The following BANP variants were observed in gnomAD, a reference collection of about 807,000 sequenced individuals.
BANP encodes the protein BTG3 associated nuclear protein, also known as protein BANP.
Under a neutral mutation model 68.1 loss-of-function variants are expected in BANP, and 11 were observed. The ratio of observed to expected loss-of-function variants is 0.16; its 90% CI spans 0.10 to 0.27. BANP has a LOEUF of 0.27. Ranked by LOEUF, BANP falls within the 10% of genes least tolerant of loss-of-function variation. BANP has a pLI of 1.00. For missense variants in BANP, 504 were observed against 722.7 expected (o/e 0.70, Z 3.47); for synonymous variants, 329 against 303.2 (o/e 1.09, Z -0.88).
At chr16:88,072,351 G>A (rs1394079911) in intron 13 of BANP, 139 bp downstream of exon 13, 11 of 1,040,586 alleles carry the variant, frequency 1.1e-5, no homozygotes, top group Admixed American at 2.9e-5. Flanking sequence ...ATGCCCATCT[G>A]AGGGTTCTAC....
rs2090330666 is a variant in BANP at position 88,071,525 on chromosome 16, C to T, written c.1378-544C>T. On this transcript the variant is annotated intron_variant, in intron 12 of 13. Coordinates refer to ENST00000682872, the MANE Select transcript of BANP (RefSeq NM_001386991.1). This position sits in a 1 kb window ranked among gnomAD's most constrained non-coding sequence, Gnocchi z 6.5. ...GGACTCACTTCCGCCCATCTTGGAA[C>T]TGGGCCTCACTTTCCTGCGAGCTTC... 6.6e-6 allele frequency: 3 copies of T among 456,540 alleles called. No homozygotes were observed. Among genetic ancestry groups the T allele is most frequent in the South Asian group, 4.6e-5 (3 of 64,568 alleles). 28.3% of individuals were successfully genotyped at this position (456,540 alleles called of 1,614,324 possible).
intron 11 of BANP, among the ~76,000 whole-genome samples, chr16:88,049,618 G>A (rs530753954): frequency 6.6e-4 from 101 of 152,298 alleles, no homozygotes; most frequent in African/African-American, 2.4e-3. Context: ...CACACACCTG[G>A]CATCATAACA....
At chr16:87,990,187 C>T (rs376160419) in intron 4 of BANP, among the ~76,000 whole-genome samples, 2 of 151,774 alleles carry the variant, frequency 1.3e-5, no homozygotes, top group East Asian at 3.9e-4. Context: ...TTAAAATCTG[C>T]TTTTTAAAGT....
At chr16:87,978,461 C>A in intron 2 of BANP, 1 of 341,144 alleles carries the variant, frequency 2.9e-6, no homozygotes, top group Non-Finnish European at 6.1e-6. Flanking sequence ...TGACCGGTTT[C>A]CAGTGAGAGT....
chr16:87,981,221 T>A, intron 3 of BANP, 94 bp downstream of exon 3: 4 of 934,684 alleles, frequency 4.3e-6, no homozygotes, highest in Non-Finnish European at 6.9e-6. Context: ...CTTCAAAATG[T>A]AGCCTCTCAG....
At chr16:87,981,150 T>C in intron 3 of BANP, 23 bp downstream of exon 3, 1 of 1,539,078 alleles carries the variant, frequency 6.5e-7, no homozygotes, top group Non-Finnish European at 9.0e-7. Context: ...CTCTGTTCTG[T>C]GGTGTGTAGT....
chr16:88,070,869 A>C (rs2090127827), intron 12 of BANP, among the ~76,000 whole-genome samples: 1 of 152,254 alleles, frequency 6.6e-6, no homozygotes. Context: ...CTCAATGTAG[A>C]GTGAATTATA....
rs569197291 is a variant in BANP, at chr16:88,018,975, A to AGAG, written c.895+318_895+320dup. Among the ~76,000 whole-genome samples the AGAG allele has an allele frequency of 9.9e-5, 15 of 152,242 alleles. No homozygotes were observed. In the East Asian group the frequency reaches 1.7e-3, roughly 18 times the overall value. ...TCTGTAGGCCACTCTTGAGGAAGAGAGAGGAGGAGGAGAGCCGGGGCCTTC... is the reference window on the plus strand; with the variant it reads ...TCTGTAGGCCACTCTTGAGGAAGAGAGAGGAGGAGGAGGAGAGCCGGGGCCTTC... On this transcript the variant is annotated intron_variant, in intron 7 of 13. Coordinates refer to ENST00000682872, the MANE Select transcript of BANP (RefSeq NM_001386991.1). The surrounding 1 kb of genome is among the most constrained non-coding windows in gnomAD (Gnocchi z 7.7).
In BANP at chr16:88,006,133, C is replaced by T; in HGVS notation, c.523C>T (p.Pro175Ser). ...GCAGAACACCATTGTGGTGAAGGTG[C>T]CGGGCCAAGAAGACAGCCACCACGA... ...RRQNTIVVKV[P>S]GQEDSHHEDG... Residue 175 changes from proline (P) to serine (S), a missense_variant, in exon 6 of 14, where the codon CCG becomes TCG. Physicochemically the swap from Pro to Ser is moderately conservative, Grantham distance 74 (BLOSUM62 -1). Around this residue, in one of 3 missense-constraint regions of BANP, gnomAD observed 238 missense variants for 278.9 expected, o/e 0.85. Transcript: ENST00000682872. 1 of 1,613,972 alleles carries T rather than the reference C, an allele frequency of 6.2e-7. No individual in the cohort carries two copies. Among genetic ancestry groups the T allele is most frequent in the South Asian group, 1.1e-5 (1 of 91,078 alleles).
rs559510413 is a variant in BANP at position 88,027,180 on chromosome 16, C to T, written c.896-303C>T. 5.7e-4 allele frequency among the ~76,000 whole-genome samples: 87 copies of T among 152,172 alleles called. 1 individual carries two copies. Among genetic ancestry groups the T allele is most frequent in the Non-Finnish European group, 1.0e-3 (71 of 68,026 alleles). On this transcript the variant is annotated intron_variant, in intron 7 of 13. Coordinates refer to ENST00000682872, the MANE Select transcript of BANP (RefSeq NM_001386991.1). ...GGAAGGTCTGGGAATCTTGTGAGAG[C>T]CCCAAGTGTGCACCTGGTGTGGGCC...
chr16:87,989,739 G>A lies in BANP; in HGVS notation c.362+5480G>A, dbSNP rs375383206. 2.2e-5 allele frequency among the ~76,000 whole-genome samples: 3 copies of A among 138,072 alleles called. 1 individual carries two copies. The highest frequency in any genetic ancestry group is 5.0e-4 in the East Asian group (2 of 4,036). The allele number at this position is 138,072 out of a possible 152,430, so 90.6% of individuals were successfully genotyped here. On this transcript the variant is annotated intron_variant, in intron 4 of 13. Coordinates refer to ENST00000682872, the MANE Select transcript of BANP (RefSeq NM_001386991.1). ...GGGGGATGCAGGCCCGCGTGGCTGC[G>A]CGCATCCAGGACACAGGACACAGGG...
At chr16:87,981,534 C>G (rs1184020743) in intron 3 of BANP, among the ~76,000 whole-genome samples, 1 of 152,240 alleles carries the variant, frequency 6.6e-6, no homozygotes, top group Non-Finnish European at 1.5e-5. Flanking sequence ...TAAATTACAT[C>G]TGCACAGTTT....
rs560394981 is a variant in BANP, at chr16:88,004,568, C to G, written c.479+157C>G. On this transcript the variant is annotated intron_variant, in intron 5 of 13. Coordinates refer to ENST00000682872, the MANE Select transcript of BANP (RefSeq NM_001386991.1). The surrounding 1 kb of genome is among the most constrained non-coding windows in gnomAD (Gnocchi z 7.0). ...AGGCACCGCCCCAGCTCTCTGAGGT[C>G]GGGGAGGGCAGGCTGGGCGATGCTG... Among the ~76,000 whole-genome samples, 1 of 152,270 alleles carries G rather than the reference C, an allele frequency of 6.6e-6. No individual in the cohort carries two copies. Among genetic ancestry groups the G allele is most frequent in the South Asian group, 2.1e-4 (1 of 4,814 alleles).
At chr16:88,028,848 A>G (rs1469896936) in intron 8 of BANP, among the ~76,000 whole-genome samples, 2 of 152,232 alleles carry the variant, frequency 1.3e-5, no homozygotes, top group African/African-American at 2.4e-5. Context: ...TATTGCAAAT[A>G]TATAGGTATA....
intron 11 of BANP, among the ~76,000 whole-genome samples, chr16:88,049,221 T>C (rs960392346): frequency 1.3e-5 from 2 of 152,160 alleles, no homozygotes; most frequent in African/African-American, 4.8e-5. Context: ...CGGCTTCAGG[T>C]TGGGCTTCCC....
Position 88,002,816 on chromosome 16 carries a change from T to C in BANP, c.363-1479T>C, listed in dbSNP as rs1168832200. 6.6e-6 allele frequency among the ~76,000 whole-genome samples: 1 copy of C among 152,234 alleles called. No individual in the cohort carries two copies. On this transcript the variant is annotated intron_variant, in intron 4 of 13. Transcript: ENST00000682872. The surrounding 1 kb of genome is among the most constrained non-coding windows in gnomAD (Gnocchi z 4.6). ...TCTTCTCAGACTGTCAGTGTGCCAGTGGCCACTGTGAATAGTCATTAGGGG... is the reference window on the plus strand; with the variant it reads ...TCTTCTCAGACTGTCAGTGTGCCAGCGGCCACTGTGAATAGTCATTAGGGG...
intron 13 of BANP, among the ~76,000 whole-genome samples, chr16:88,076,217 C>G (rs1335559186): frequency 6.6e-6 from 1 of 152,242 alleles, no homozygotes; most frequent in Admixed American, 6.5e-5. Context: ...GTACCTGAAG[C>G]TTCAGGGAAA....
chr16:88,070,681 G>C lies in BANP; in HGVS notation c.1378-1388G>C, dbSNP rs569898966. On this transcript the variant is annotated intron_variant, in intron 12 of 13. Transcript: ENST00000682872. ...CTTGGGTCATGACAGGCCAGCACGTGGGGGGCCTGCAGGCCTGTAGATGCT... is the reference window on the plus strand; with the variant it reads ...CTTGGGTCATGACAGGCCAGCACGTCGGGGGCCTGCAGGCCTGTAGATGCT... Among the ~76,000 whole-genome samples, 3 of 152,248 alleles carry C rather than the reference G, an allele frequency of 2.0e-5. No homozygotes were observed. The South Asian group carries it at 6.2e-4, about 32-fold the overall frequency.
At chr16:88,030,567 A>G (rs2077959927) in intron 8 of BANP, among the ~76,000 whole-genome samples, 1 of 152,240 alleles carries the variant, frequency 6.6e-6, no homozygotes, top group Admixed American at 6.5e-5. Context: ...GACGACTGCC[A>G]GATATGTTGG....
Sources: allele counts gnomAD v4.1 joint callset (sites outside exome capture counted in the v4.1 genomes callset), GRCh38; gene constraint gnomAD v4.1.1; regional missense constraint gnomAD v4.1.1; non-coding constraint Gnocchi (gnomAD v3.1); transcripts MANE v1.5; gene names NCBI Gene and HGNC (gene_info 2026-07-23, HGNC 2026-07-21).